Variants in ANO2 observed in about 807,000 individuals in gnomAD.
ANO2 encodes the protein anoctamin-2.
In ANO2, 101 loss-of-function variants were observed where a neutral mutation model predicts 124.2. That is an observed-to-expected ratio of 0.81 (90% CI 0.69 to 0.96). ANO2 has a LOEUF of 0.96. Ranked by LOEUF, ANO2 falls within the 40% of genes least tolerant of loss-of-function variation. ANO2 has a pLI of 0.00. For missense variants in ANO2, 1,293 were observed against 1,274.5 expected, an observed-to-expected ratio of 1.01 and a Z score of -0.22; for synonymous variants, 486 against 482.5, an observed-to-expected ratio of 1.01 and a Z score of -0.09.
At chr12:5,804,259 A>G (rs1265715112) in intron 9 of ANO2, among the ~76,000 whole-genome samples, 3 of 152,240 alleles carry the variant, frequency 2.0e-5, no homozygotes, top group Non-Finnish European at 2.9e-5. Context: ...CTAAAACTAC[A>G]GAAACAAATC....
intron 16 of ANO2, among the ~76,000 whole-genome samples, chr12:5,632,912 C>G (rs556672673): frequency 1.1e-4 from 17 of 152,288 alleles, no homozygotes; most frequent in Admixed American, 6.5e-4. Flanking sequence ...CATTGGATCT[C>G]CTACCTCTCC....
chr12:5,943,300 T>C (rs1043189538), intron 1 of ANO2, among the ~76,000 whole-genome samples: 8 of 151,920 alleles, frequency 5.3e-5, no homozygotes, highest in Non-Finnish European at 8.8e-5. Context: ...TGTGTGTGTG[T>C]GTGTGTGTGT....
intron 12 of ANO2, 139 bp from the exon 13 acceptor site, chr12:5,739,538 C>A: frequency 1.7e-6 from 1 of 597,288 alleles, no homozygotes. Flanking sequence ...CCTCTTTTTC[C>A]CACTTCTAGG....
intron 10 of ANO2, among the ~76,000 whole-genome samples, chr12:5,768,840 G>A (rs1396166115): frequency 1.3e-5 from 2 of 152,196 alleles, no homozygotes; most frequent in African/African-American, 2.4e-5. Context: ...CAGATCAACA[G>A]TGGGCTGAGG....
intron 11 of ANO2, among the ~76,000 whole-genome samples, chr12:5,744,589 C>T (rs1254062117): frequency 6.6e-6 from 1 of 152,142 alleles, no homozygotes; most frequent in African/African-American, 2.4e-5. Flanking sequence ...AGACATTGAG[C>T]ATTAAATGAT....
At chr12:5,922,393 G>A (rs1941747944) in intron 2 of ANO2, among the ~76,000 whole-genome samples, 1 of 152,198 alleles carries the variant, frequency 6.6e-6, no homozygotes, top group African/African-American at 2.4e-5. Flanking sequence ...GCATCGACTG[G>A]CCTCCCACGC....
At chr12:5,742,432 G>C (rs1951128050) in intron 12 of ANO2, among the ~76,000 whole-genome samples, 1 of 151,900 alleles carries the variant, frequency 6.6e-6, no homozygotes, top group African/African-American at 2.4e-5. Flanking sequence ...TCACCCCTGA[G>C]TACTTTCCCT....
intron 3 of ANO2, among the ~76,000 whole-genome samples, chr12:5,912,833 A>G (rs1221375728): frequency 1.3e-5 from 2 of 152,198 alleles, no homozygotes; most frequent in African/African-American, 2.4e-5. Context: ...TTCCCCAGTC[A>G]TTAGTGTGAG....
At chr12:5,747,206 G>A (rs1012769597) in intron 11 of ANO2, among the ~76,000 whole-genome samples, 1 of 152,146 alleles carries the variant, frequency 6.6e-6, no homozygotes, top group Non-Finnish European at 1.5e-5. Flanking sequence ...AAATAAAAAG[G>A]TTTTAAAAAG....
At chr12:5,647,656 T>C (rs1946711769) in intron 15 of ANO2, 71 bp downstream of exon 15, 2 of 1,171,694 alleles carry the variant, frequency 1.7e-6, no homozygotes, top group Non-Finnish European at 2.5e-6. Context: ...CAGAATATAA[T>C]ACCCACAGTA....
At chr12:5,682,620 A>G (rs191109712) in intron 14 of ANO2, among the ~76,000 whole-genome samples, 1 of 152,332 alleles carries the variant, frequency 6.6e-6, no homozygotes, top group East Asian at 1.9e-4. Flanking sequence ...CCTGCAAGCC[A>G]AGAAATACCA....
At position 5,900,778 on chromosome 12, in the gene ANO2, G is replaced by C. The variant is rs1344683910; in HGVS notation, c.534+20262C>G. Among the ~76,000 whole-genome samples the C allele has an allele frequency of 1.3e-5, 2 of 152,150 alleles. No individual in the cohort carries two copies. The highest frequency in any genetic ancestry group is 4.8e-5 in the African/African-American group (2 of 41,426). ...CCTCTGGTGCTCAGTCACTTCATCT[G>C]CTGAGTATTTAATTAGAACTGGTGA... On this transcript the variant is annotated intron_variant, in intron 3 of 24. Transcript: ENST00000682330. The surrounding 1 kb of genome is among the most constrained non-coding windows in gnomAD (Gnocchi z 4.2).
intron 1 of ANO2, among the ~76,000 whole-genome samples, chr12:5,927,261 C>G (rs1426422215): frequency 6.6e-6 from 1 of 152,196 alleles, no homozygotes; most frequent in African/African-American, 2.4e-5. Context: ...CCTTTCGGTA[C>G]AGTCTTGGCT....
chr12:5,939,388 C>T (rs1048617823), intron 1 of ANO2, among the ~76,000 whole-genome samples: 1 of 152,104 alleles, frequency 6.6e-6, no homozygotes, highest in Non-Finnish European at 1.5e-5. Flanking sequence ...GAAACACCCA[C>T]TCATTGAGCA....
At chr12:5,687,638 TTTCCAAGAA>T (rs1276451385) in intron 14 of ANO2, among the ~76,000 whole-genome samples, 1 of 152,242 alleles carries the variant, frequency 6.6e-6, no homozygotes, top group African/African-American at 2.4e-5. Flanking sequence ...TGAGGCCCTG[TTTCCAAGAA>T]CTTGGAGTGC....
At chr12:5,745,643 G>A (rs1433316750) in intron 11 of ANO2, among the ~76,000 whole-genome samples, 2 of 152,188 alleles carry the variant, frequency 1.3e-5, no homozygotes, top group Non-Finnish European at 2.9e-5. Flanking sequence ...TCAAGCCCCA[G>A]TTTCTAGGCT....
chr12:5,634,511 C>T (rs1010205169), intron 16 of ANO2, among the ~76,000 whole-genome samples: 1 of 152,188 alleles, frequency 6.6e-6, no homozygotes, highest in African/African-American at 2.4e-5. Flanking sequence ...GCCTCCCCCA[C>T]CCAATAAGCA....
At chr12:5,665,324 A>T (rs138290690) in intron 14 of ANO2, among the ~76,000 whole-genome samples, 2,567 of 152,194 alleles carry the variant, frequency 0.017, 30 homozygotes, top group Non-Finnish European at 0.026. Flanking sequence ...GCAAGGACCC[A>T]TTCCCATGGT....
chr12:5,744,100 C>A, intron 12 of ANO2, 57 bp downstream of exon 12: 2 of 1,601,024 alleles, frequency 1.2e-6, no homozygotes, highest in South Asian at 2.2e-5. Flanking sequence ...ACAGCTTGGT[C>A]ACTGTGCCCA....
Sources: gnomAD v4.1 joint callset for allele counts (sites outside exome capture counted in the v4.1 genomes callset) on GRCh38, gnomAD v4.1.1 for gene constraint, Gnocchi (gnomAD v3.1) non-coding constraint, MANE v1.5 for transcripts, NCBI Gene and HGNC (gene_info 2026-07-23, HGNC 2026-07-21) for gene names.